The following SORCS1 variants were observed in gnomAD, a reference collection of about 807,000 sequenced individuals.
SORCS1 encodes VPS10 domain-containing receptor SorCS1.
A neutral mutation model predicts 146.1 loss-of-function variants in SORCS1; 60 were observed. The ratio of observed to expected loss-of-function variants is 0.41; its 90% confidence interval spans 0.33 to 0.51. The LOEUF is 0.51. Among genes scored for constraint, SORCS1 ranks in the 20% least tolerant of loss-of-function variants. The pLI is 0.21. For synonymous variants in SORCS1, 637 were observed against 584.0 expected (o/e 1.09, Z -1.31); for missense variants, 1,352 against 1,487.6 (o/e 0.91, Z 1.50).
At chr10:107,085,821 G>A (rs965357726) in intron 1 of SORCS1, among the ~76,000 whole-genome samples, 9 of 152,172 alleles carry the variant, frequency 5.9e-5, no homozygotes, top group Non-Finnish European at 1.3e-4. Context: ...AGTAGACAAT[G>A]AGCATTTTGT....
At chr10:106,725,503 A>G (rs963879948) in intron 6 of SORCS1, among the ~76,000 whole-genome samples, 2 of 151,860 alleles carry the variant, frequency 1.3e-5, no homozygotes, top group African/African-American at 4.8e-5. Flanking sequence ...GTGAGCTGAG[A>G]TCGCGCCATT....
At chr10:106,896,467 T>C (rs889038470) in intron 2 of SORCS1, among the ~76,000 whole-genome samples, 2 of 149,394 alleles carry the variant, frequency 1.3e-5, no homozygotes, top group African/African-American at 4.9e-5. Context: ...AGTAGAATAG[T>C]GGCTCCTAGG....
chr10:106,852,673 G>A lies in SORCS1; in HGVS notation c.627-23000C>T, dbSNP rs548426673. Among the ~76,000 whole-genome samples the A allele has an allele frequency of 2.7e-4, 41 of 149,492 alleles. No individual in the cohort carries two copies. In the South Asian group the frequency reaches 5.4e-3, roughly 20 times the overall value. ...GAAAGAAAAGAAAAAGAAATTTCCC[G>A]CTATCCTTAGGTTGCTGAGAGTTTT... On this transcript the variant is annotated intron_variant, in intron 2 of 25. Coordinates refer to ENST00000263054, the MANE Select transcript of SORCS1 (RefSeq NM_052918.5).
intron 9 of SORCS1, among the ~76,000 whole-genome samples, chr10:106,690,347 T>C (rs977120673): frequency 6.6e-6 from 1 of 152,218 alleles, no homozygotes; most frequent in Non-Finnish European, 1.5e-5. Context: ...CAAATGACCA[T>C]GTCTTAGCCA....
chr10:106,818,375 T>TA (rs1469443898), intron 3 of SORCS1, among the ~76,000 whole-genome samples: 3 of 151,818 alleles, frequency 2.0e-5, no homozygotes, highest in Non-Finnish European at 4.4e-5. Context: ...GAGGATTTTT[T>TA]TTTTTTTTTT....
At chr10:106,831,457 T>C (rs1354806560) in intron 2 of SORCS1, among the ~76,000 whole-genome samples, 9 of 152,230 alleles carry the variant, frequency 5.9e-5, no homozygotes, top group Non-Finnish European at 1.0e-4. Context: ...AGTGCAAAGA[T>C]AGAGATATGA....
At chr10:106,966,090 T>C (rs11193135) in intron 1 of SORCS1, among the ~76,000 whole-genome samples, 67,002 of 152,138 alleles carry the variant, frequency 0.44, 18,170 homozygotes, top group Non-Finnish European at 0.6. Flanking sequence ...TGACAGCGAA[T>C]GCACATGCAG....
chr10:107,059,910 A>T (rs952385954), intron 1 of SORCS1, among the ~76,000 whole-genome samples: 1 of 152,114 alleles, frequency 6.6e-6, no homozygotes, highest in African/African-American at 2.4e-5. Flanking sequence ...ATCTACTCAC[A>T]GACTTGAGAG....
chr10:106,650,596 G>T (rs1030150103), intron 18 of SORCS1, among the ~76,000 whole-genome samples: 1 of 152,080 alleles, frequency 6.6e-6, no homozygotes, highest in African/African-American at 2.4e-5. Context: ...CCTAGCTTTG[G>T]AATATCCTCA....
At chr10:106,706,439 G>A (rs534002175) in intron 8 of SORCS1, 106 bp downstream of exon 8, 2 of 1,108,732 alleles carry the variant, frequency 1.8e-6, no homozygotes, top group East Asian at 2.4e-5. Context: ...GAGATGTAAA[G>A]AAAACATGAC....
intron 23 of SORCS1, among the ~76,000 whole-genome samples, chr10:106,605,975 A>T (rs1270844060): frequency 1.3e-5 from 2 of 152,212 alleles, no homozygotes; most frequent in Admixed American, 6.5e-5. Flanking sequence ...GGTTTAGTAA[A>T]CAGAAAATCT....
chr10:107,180,541 T>C, the SORCS1 span, among the ~76,000 whole-genome samples: 6,536 of 152,254 alleles, frequency 0.043, 196 homozygotes, highest in Admixed American at 0.061. Flanking sequence ...GGTCTTCCTA[T>C]GGGTTGTCAA....
At chr10:107,124,006 G>A (rs1966553082) in intron 1 of SORCS1, among the ~76,000 whole-genome samples, 1 of 151,334 alleles carries the variant, frequency 6.6e-6, no homozygotes, top group Admixed American at 6.6e-5. Context: ...AGAATGGCAT[G>A]AACCTGGGAG....
At chr10:107,046,977 A>G (rs1959528145) in intron 1 of SORCS1, among the ~76,000 whole-genome samples, 1 of 151,950 alleles carries the variant, frequency 6.6e-6, no homozygotes, top group Admixed American at 6.6e-5. Flanking sequence ...GTTTTGCTGT[A>G]TTTTATTTTA....
At chr10:106,618,413 G>T in intron 20 of SORCS1, 141 bp from the exon 21 acceptor site, 1 of 1,030,798 alleles carries the variant, frequency 9.7e-7, no homozygotes, top group Non-Finnish European at 1.4e-6. Context: ...GTCCCTCTAT[G>T]CCTCCCTATC....
chr10:106,781,840 A>T (rs537435959), intron 3 of SORCS1, among the ~76,000 whole-genome samples: 7 of 152,124 alleles, frequency 4.6e-5, no homozygotes, highest in Non-Finnish European at 1.0e-4. Flanking sequence ...TCCCAGAATG[A>T]ACCATGGAAA....
intron 2 of SORCS1, among the ~76,000 whole-genome samples, chr10:106,830,578 CTTT>C (rs769894046): frequency 1.5e-5 from 2 of 135,586 alleles, no homozygotes; most frequent in Admixed American, 7.3e-5. Context: ...TTTTTTTTTC[CTTT>C]TTTTTTTTTT....
At chr10:107,077,842 A>C (rs1354621743) in intron 1 of SORCS1, among the ~76,000 whole-genome samples, 2 of 152,146 alleles carry the variant, frequency 1.3e-5, no homozygotes, top group Non-Finnish European at 2.9e-5. Context: ...TTAGATAAGC[A>C]TATGGTAATT....
At chr10:106,651,224 A>G (rs17121117) in intron 18 of SORCS1, among the ~76,000 whole-genome samples, 10,349 of 152,236 alleles carry the variant, frequency 0.068, 435 homozygotes, top group East Asian at 0.21. Context: ...TATTTTTCCT[A>G]TGAGAATCAA....
Sources: allele counts gnomAD v4.1 joint callset (sites outside exome capture counted in the v4.1 genomes callset), GRCh38; gene constraint gnomAD v4.1.1; transcripts MANE v1.5; gene names NCBI Gene and HGNC (gene_info 2026-07-23, HGNC 2026-07-21).